The following ATP8A2 variants were observed in gnomAD, a reference collection of about 807,000 sequenced individuals.
The protein encoded by ATP8A2 is ATPase phospholipid transporting 8A2.
ATP8A2 carries 100 observed loss-of-function variants against 165.6 expected under a neutral mutation model. The ratio of observed to expected loss-of-function variants is 0.60; its 90% CI spans 0.51 to 0.71. The LOEUF is 0.71. Among genes scored for constraint, ATP8A2 ranks in the 30% least tolerant of loss-of-function variants. The pLI is 0.00. For synonymous variants in ATP8A2, 543 were observed against 548.8 expected (o/e 0.99, Z 0.15); for missense variants, 1,227 against 1,479.5 (o/e 0.83, Z 2.80).
intron 33 of ATP8A2, among the ~76,000 whole-genome samples, chr13:25,945,381 G>C (rs1955184650): frequency 6.6e-6 from 1 of 152,170 alleles, no homozygotes; most frequent in Non-Finnish European, 1.5e-5. Context: ...CAGAAGGAAG[G>C]CACGTTAATG....
chr13:25,595,697 G>A (rs1408829053), intron 24 of ATP8A2, among the ~76,000 whole-genome samples: 4 of 152,120 alleles, frequency 2.6e-5, no homozygotes, highest in Non-Finnish European at 5.9e-5. Flanking sequence ...ATTTTGAACT[G>A]TTGCATAGGT....
At chr13:25,594,996 A>C (rs1344230240) in intron 24 of ATP8A2, among the ~76,000 whole-genome samples, 1 of 149,806 alleles carries the variant, frequency 6.7e-6, no homozygotes, top group Non-Finnish European at 1.5e-5. Context: ...ATATATATAT[A>C]TATATATATA....
intron 25 of ATP8A2, among the ~76,000 whole-genome samples, chr13:25,708,293 T>C (rs1357820603): frequency 1.3e-5 from 2 of 152,202 alleles, no homozygotes; most frequent in African/African-American, 4.8e-5. Context: ...CTTGTGATGG[T>C]ATTTGTACTT....
At chr13:25,997,814 A>AT (rs544588335) in intron 35 of ATP8A2, among the ~76,000 whole-genome samples, 176 of 150,714 alleles carry the variant, frequency 1.2e-3, no homozygotes, top group Non-Finnish European at 1.8e-3. Flanking sequence ...GCGGCTTTCT[A>AT]TTTTTTTTCT....
intron 33 of ATP8A2, among the ~76,000 whole-genome samples, chr13:25,911,468 C>T (rs1333732490): frequency 6.6e-6 from 1 of 152,046 alleles, no homozygotes; most frequent in Non-Finnish European, 1.5e-5. Flanking sequence ...AGTGGGAGTC[C>T]CAGAGAGGGG....
chr13:25,465,658 C>A (rs1379254112), intron 1 of ATP8A2, among the ~76,000 whole-genome samples: 2 of 103,768 alleles, frequency 1.9e-5, no homozygotes, highest in African/African-American at 6.1e-5. Flanking sequence ...AGAAATCTTG[C>A]AGAGTTTTCT....
Position 25,515,014 on chromosome 13 carries a change from A to G in ATP8A2, c.222-14985A>G, listed in dbSNP as rs949300865. 6.6e-5 allele frequency among the ~76,000 whole-genome samples: 10 copies of G among 152,214 alleles called. 1 individual carries two copies. The highest frequency in any genetic ancestry group is 2.0e-4 in the Admixed American group (3 of 15,276). ...TCTGGATGAGGTTAGCATCTGTATC[A>G]GTAGAGTGAGGAAAGCAGGTGGACT... On this transcript the variant is annotated intron_variant, in intron 2 of 36. Transcript: ENST00000381655.
At chr13:25,765,276 G>A (rs1445711409) in intron 25 of ATP8A2, among the ~76,000 whole-genome samples, 14 of 152,300 alleles carry the variant, frequency 9.2e-5, no homozygotes, top group Admixed American at 6.5e-4. Context: ...CACCAAAATA[G>A]GATTAAAGAA....
intron 1 of ATP8A2, among the ~76,000 whole-genome samples, chr13:25,463,191 A>G (rs1013890931): frequency 3.4e-5 from 5 of 148,794 alleles, no homozygotes; most frequent in Non-Finnish European, 5.9e-5. Flanking sequence ...ACATGTCTCA[A>G]GCACCTTTTG....
At chr13:25,543,834 A>C (rs1440558660) in intron 10 of ATP8A2, among the ~76,000 whole-genome samples, 1 of 152,244 alleles carries the variant, frequency 6.6e-6, no homozygotes, top group Admixed American at 6.5e-5. Context: ...GAAGAAAAAA[A>C]TGAAGTTAAA....
At position 25,678,254 on chromosome 13, in the gene ATP8A2, G is replaced by A. The variant is rs187304375; in HGVS notation, c.2212-20919G>A. ...ACCAAGCTAGTAGTTGTGGAGTATG[G>A]GGGAAAACAGAGTTCTGTGTCTCAG... On this transcript the variant is annotated intron_variant, in intron 24 of 36. Transcript: ENST00000381655. Among the ~76,000 whole-genome samples, 141 of 152,242 alleles carry A rather than the reference G, an allele frequency of 9.3e-4. 1 individual carries two copies. The highest frequency in any genetic ancestry group is 3.3e-3 in the African/African-American group (136 of 41,532).
At chr13:25,729,877 A>G (rs1315273781) in intron 25 of ATP8A2, among the ~76,000 whole-genome samples, 2 of 152,240 alleles carry the variant, frequency 1.3e-5, no homozygotes, top group African/African-American at 2.4e-5. Context: ...ATAAATTTGT[A>G]TAATTGTTAA....
intron 1 of ATP8A2, among the ~76,000 whole-genome samples, chr13:25,402,098 C>T (rs796265833): frequency 2.0e-4 from 30 of 152,206 alleles, no homozygotes; most frequent in African/African-American, 7.2e-4. Context: ...ACCAAGAAGA[C>T]TCCTAAGTGA....
chr13:25,860,240 G>C lies in ATP8A2; in HGVS notation c.3002G>C (p.Gly1001Ala). The change falls in exon 31 of 37, where the codon GGA becomes GCA. Residue 1001 changes from glycine (G) to alanine (A), a missense_variant. Around this residue, in one of 5 missense-constraint regions of ATP8A2, gnomAD observed 260 missense variants for 245.1 expected, o/e 1.06. Transcript: ENST00000381655. ...CATGCTACCGACTATTTATTTGTTG[G>C]AAATATTGTTTACACAGTAAGTTTA... ...SGHATDYLFV[G>A]NIVYTYVVVT... The C allele has an allele frequency of 6.2e-7, 1 of 1,610,638 alleles. No homozygotes were observed. The highest frequency in any genetic ancestry group is 1.1e-5 in the South Asian group (1 of 90,776).
Position 25,617,507 on chromosome 13 carries a change from G to T in ATP8A2, c.2211+27808G>T, listed in dbSNP as rs61947475. Among the ~76,000 whole-genome samples, 61 of 152,158 alleles carry T rather than the reference G, an allele frequency of 4.0e-4. 1 individual carries two copies. ...GAGGATAGTTTTGTGAGTAGAAAAT[G>T]ATTTGAAGAGTTTGGCAGAATAAAA... On this transcript the variant is annotated intron_variant, in intron 24 of 36. Transcript: ENST00000381655.
rs539746235 is a variant in ATP8A2, at chr13:25,976,980, G to T, written c.3377+8301G>T. Among the ~76,000 whole-genome samples the T allele has an allele frequency of 1.1e-4, 16 of 151,496 alleles. No individual in the cohort carries two copies. The South Asian group carries it at 3.1e-3, about 30-fold the overall frequency. On this transcript the variant is annotated intron_variant, in intron 35 of 36. Transcript: ENST00000381655. ...TTTTTGTATTTTTAGTAGAGACGGG[G>T]TTTCACCATCTTGGCCAGGCTGGTC... is the stretch of plus-strand genomic sequence containing the variant.
intron 1 of ATP8A2, among the ~76,000 whole-genome samples, chr13:25,408,813 A>G (rs1456361958): frequency 6.6e-6 from 1 of 152,242 alleles, no homozygotes; most frequent in Non-Finnish European, 1.5e-5. Context: ...TTTACATCCA[A>G]TAATTTTAAT....
rs372273573 is a variant in ATP8A2 at position 25,387,384 on chromosome 13, C to T, written c.76+15096C>T. ...TTTGTGGGTCACTTTGAGGTGGTCT[C>T]AGTCCTAGTCACGTCCTAGGTTATT... On this transcript the variant is annotated intron_variant, in intron 1 of 36. Transcript: ENST00000381655. Among the ~76,000 whole-genome samples, 300 of 152,192 alleles carry T rather than the reference C, an allele frequency of 2.0e-3. 2 individuals carry two copies. The highest frequency in any genetic ancestry group is 7.0e-3 in the African/African-American group (292 of 41,520).
At chr13:25,379,779 G>A (rs2032772741) in intron 1 of ATP8A2, among the ~76,000 whole-genome samples, 3 of 152,284 alleles carry the variant, frequency 2.0e-5, no homozygotes, top group South Asian at 4.1e-4. Flanking sequence ...CTGCCCCAGC[G>A]TGCCGTGTCC....
Sources: gnomAD v4.1 joint callset for allele counts (sites outside exome capture counted in the v4.1 genomes callset) on GRCh38, gnomAD v4.1.1 for gene constraint, gnomAD v4.1.1 regional missense constraint, MANE v1.5 for transcripts, NCBI Gene and HGNC (gene_info 2026-07-23, HGNC 2026-07-21) for gene names.